The following ZP1 variants were observed in gnomAD, a reference collection of about 807,000 sequenced individuals.
ZP1 encodes zona pellucida glycoprotein 1, also known as zona pellucida sperm-binding protein 1.
In ZP1, 58 loss-of-function variants were observed where a neutral mutation model predicts 67.4. The ratio of observed to expected loss-of-function variants is 0.86; its 90% CI spans 0.70 to 1.07. The LOEUF (loss-of-function observed/expected upper bound fraction) is 1.07. Among genes scored for constraint, ZP1 ranks in the 50% least tolerant of loss-of-function variants. The pLI, the probability that ZP1 is intolerant of heterozygous loss-of-function variation, is 0.00. For synonymous variants in ZP1, 333 were observed against 332.7 expected, an observed-to-expected ratio of 1.00 and a Z score of -0.01; for missense variants, 759 against 807.3, an observed-to-expected ratio of 0.94 and a Z score of 0.72.
rs1031365656 is a variant in ZP1, at chr11:60,871,128, G to A, written c.998G>A (p.Cys333Tyr). The part of the protein sequence containing the change: ...FVVFYFPLTH[C>Y]GTTMQVAGDQ... ...GTCTTCTACTTCCCTCTCACCCACT[G>A]TGGAACCACAATGCAGGTAGGAGCC... is the stretch of plus-strand genomic sequence containing the variant. The change falls in exon 5 of 12, where the codon TGT (cysteine) becomes TAT (tyrosine). Residue 333 changes from cysteine (C) to tyrosine (Y), a missense_variant. Transcript: ENST00000278853. 1.9e-6 allele frequency: 3 copies of A among 1,613,924 alleles called. No homozygotes were observed. Among genetic ancestry groups the A allele is most frequent in the African/African-American group, 2.7e-5 (2 of 74,936 alleles).
rs546734631 is a variant in ZP1 at position 60,872,733 on chromosome 11, T to TA, written c.1113-426dup. ...GACTTGCTTGTGGTCCCAAAGCCTG[T>TA]AAATGCTAAGAAGACTCAAATCCAG... is the stretch of plus-strand genomic sequence containing the variant. On this transcript the variant is annotated intron_variant, in intron 6 of 11. Transcript: ENST00000278853. Among the ~76,000 whole-genome samples the TA allele has an allele frequency of 5.2e-4, 79 of 152,312 alleles. 1 individual carries two copies. The South Asian group carries it at 0.012, about 23-fold the overall frequency.
intron 4 of ZP1, 118 bp from the exon 5 acceptor site, chr11:60,870,839 T>C (rs1280658466): frequency 8.6e-7 from 1 of 1,158,978 alleles, no homozygotes; most frequent in Non-Finnish European, 1.2e-6. Context: ...CCAGCCTAAG[T>C]GGAGAGTAAG....
intron 1 of ZP1, among the ~76,000 whole-genome samples, chr11:60,868,378 A>C (rs957014042): frequency 6.6e-6 from 1 of 152,216 alleles, no homozygotes; most frequent in Non-Finnish European, 1.5e-5. Context: ...CGCTCAGTCA[A>C]AACTGAGGCT....
At chr11:60,873,844 T>G in intron 9 of ZP1, 69 bp downstream of exon 9, 2 of 1,591,176 alleles carry the variant, frequency 1.3e-6, no homozygotes, top group Non-Finnish European at 1.7e-6. Flanking sequence ...GCCAAATCCC[T>G]CTGGCACCCT....
rs199566234 is a variant in ZP1 at position 60,869,589 on chromosome 11, G to A, written c.371G>A (p.Arg124His). 194 of 1,613,836 alleles carry A rather than the reference G, an allele frequency of 1.2e-4. No individual in the cohort carries two copies. Among genetic ancestry groups the A allele is most frequent in the Non-Finnish European group, 1.3e-4 (159 of 1,179,860 alleles). The change falls in exon 3 of 12, where the codon CGT becomes CAT. Residue 124 changes from arginine (R) to histidine (H), a missense_variant. By Grantham distance (29) the Arg-to-His change is conservative. Coordinates refer to ENST00000278853, the MANE Select transcript of ZP1 (RefSeq NM_207341.4). ...VFMEAVLPNG[R>H]VDVAQDATLI... ...ATGGAGGCTGTGCTGCCCAATGGTC[G>A]TGTGGATGTGGCACAAGACGCTACT... is the stretch of plus-strand genomic sequence containing the variant.
intron 2 of ZP1, 85 bp from the exon 3 acceptor site, chr11:60,869,452 C>T (rs981850096): frequency 1.1e-5 from 17 of 1,520,772 alleles, no homozygotes; most frequent in Non-Finnish European, 1.5e-5. Context: ...GCCTAATGGC[C>T]AGCTCAGCTC....
Position 60,870,357 on chromosome 11 carries a change from C to T in ZP1, c.708C>T (p.Cys236=), listed in dbSNP as rs1855542469. 1 of 1,610,924 alleles carries T rather than the reference C, an allele frequency of 6.2e-7. No individual in the cohort carries two copies. ...GTACCCACCTGAGCCAGGAGCAGTG[C>T]CAGGTGGCCTCAGGGCACCTCCCCT... ...YIGTHLSQEQ[C]QVASGHLPCI... Residue 236 remains cysteine, a synonymous_variant, in exon 4 of 12, where the codon TGC becomes TGT. Transcript: ENST00000278853.
At chr11:60,871,196 C>G in intron 5 of ZP1, 21 bp from the exon 6 acceptor site, 1 of 1,614,048 alleles carries the variant, frequency 6.2e-7, no homozygotes. Flanking sequence ...GAAAGCCTCA[C>G]CCAGCTGTCT....
In ZP1 at chr11:60,873,061, C is replaced by A; in HGVS notation, c.1113-101C>A. 4 of 1,336,650 alleles carry A rather than the reference C, an allele frequency of 3.0e-6. No homozygotes were observed. In the South Asian group the frequency reaches 5.7e-5, roughly 19 times the overall value. 82.8% of individuals were successfully genotyped at this position (1,336,650 alleles called of 1,614,324 possible). A position where few individuals can be genotyped will look rare whatever the true frequency, so the allele number is the denominator to read the frequency against. On this transcript the variant is annotated intron_variant, in intron 6 of 11. Coordinates refer to ENST00000278853, the MANE Select transcript of ZP1 (RefSeq NM_207341.4). ...CATCCATCTGCCCTGCTGGACAGTA[C>A]CCTATTTGTTGCACCCACGGAGTTG...
rs767918749 is a variant in ZP1, at chr11:60,871,079, A to C, written c.949A>C (p.Thr317Pro). 6.2e-7 allele frequency: 1 copy of C among 1,614,186 alleles called. No individual in the cohort carries two copies. The highest frequency in any genetic ancestry group is 8.5e-7 in the Non-Finnish European group (1 of 1,180,020). ...CTATGCCCCCACCAGCTGCTCCCCA[A>C]CACAGCACACGGAAGCTTTCGTGGT... is the stretch of plus-strand genomic sequence containing the variant. ...LAYAPTSCSP[T>P]QHTEAFVVFY... is the part of the protein sequence containing the mutation. Residue 317 changes from threonine to proline, a missense_variant, in exon 5 of 12, where the codon ACA becomes CCA. Thr to Pro is a conservative substitution (Grantham distance 38, BLOSUM62 -1). Transcript: ENST00000278853.
chr11:60,873,446 G>A lies in ZP1; in HGVS notation c.1312G>A (p.Val438Met), dbSNP rs369535673. The A allele has an allele frequency of 6.2e-7, 1 of 1,613,482 alleles. No individual in the cohort carries two copies. The highest frequency in any genetic ancestry group is 8.5e-7 in the Non-Finnish European group (1 of 1,179,596). Residue 438 changes from valine to methionine, a missense_variant, in exon 8 of 12, where the codon GTG (valine) becomes ATG (methionine). Val to Met is a conservative substitution (Grantham distance 21). Transcript: ENST00000278853. Reference protein sequence around the residue: ...IVRLLREPVHVEVRLLQRTDP... With the variant: ...IVRLLREPVHMEVRLLQRTDP... ...GAGGCTGCTCCGAGAACCAGTCCAT[G>A]TGGAGGTCCGGCTTCTGCAGAGGAC...
chr11:60,874,097 A>G (rs1855651074), intron 9 of ZP1, among the ~76,000 whole-genome samples: 1 of 152,154 alleles, frequency 6.6e-6, no homozygotes, highest in Non-Finnish European at 1.5e-5. Flanking sequence ...ATTTTCTTTA[A>G]CTCAGCAACT....
rs779163600 is a variant in ZP1, at chr11:60,869,825, C to A, written c.607C>A (p.Pro203Thr). Reference sequence around the variant, plus strand: ...TGCTTTACCATCCCCTGGACCTGGACCTACCCTCGCCACCCTGGCTCAACC... The same window carrying A: ...TGCTTTACCATCCCCTGGACCTGGAACTACCCTCGCCACCCTGGCTCAACC... ...TPALPSPGPG[P>T]TLATLAQPHW... The change falls in exon 3 of 12, where the codon CCT (proline) becomes ACT (threonine). Residue 203 changes from proline to threonine, a missense_variant. Transcript: ENST00000278853. 1 of 1,609,266 alleles carries A rather than the reference C, an allele frequency of 6.2e-7. No homozygotes were observed. The highest frequency in any genetic ancestry group is 8.5e-7 in the Non-Finnish European group (1 of 1,177,384).
rs1855631313 is a variant in ZP1 at position 60,873,554 on chromosome 11, C to G, written c.1420C>G (p.Leu474Val). ...NPFQQPQWPI[L>V]SDGCPFKGDS... ...CTTCCAGCAGCCCCAGTGGCCCATC[C>G]TGTCAGACGGGTGAGTGCCCCCACA... The change falls in exon 8 of 12, where the codon CTG (leucine) becomes GTG (valine). Residue 474 changes from leucine to valine, a missense_variant. Physicochemically the swap from Leu to Val is conservative, Grantham distance 32. Coordinates refer to ENST00000278853, the MANE Select transcript of ZP1 (RefSeq NM_207341.4). 1.9e-6 allele frequency: 3 copies of G among 1,612,766 alleles called. No individual in the cohort carries two copies.
intron 3 of ZP1, 149 bp downstream of exon 3, chr11:60,870,049 T>A: frequency 9.3e-7 from 1 of 1,074,718 alleles, no homozygotes; most frequent in Non-Finnish European, 1.3e-6. Context: ...TCCTTTGTAG[T>A]ATTTGGAAAA....
At chr11:60,868,661 C>G (rs1197601188) in intron 1 of ZP1, among the ~76,000 whole-genome samples, 1 of 152,230 alleles carries the variant, frequency 6.6e-6, no homozygotes, top group African/African-American at 2.4e-5. Flanking sequence ...CTCCAAGCAA[C>G]TGCAGCAGCC....
At position 60,869,784 on chromosome 11, in the gene ZP1, C is replaced by G; in HGVS notation, c.566C>G (p.Ser189Cys). The G allele has an allele frequency of 2.5e-6, 4 of 1,614,066 alleles. No homozygotes were observed. Among genetic ancestry groups the G allele is most frequent in the Non-Finnish European group, 3.4e-6 (4 of 1,179,970 alleles). ...AGCCCACTGGACCCAGGGCACAGCT[C>G]TGTCCACCCAACCCCTGCTTTACCA... ...FPSPLDPGHSSVHPTPALPSP... is the reference protein window; with the variant it reads ...FPSPLDPGHSCVHPTPALPSP... The change falls in exon 3 of 12, where the codon TCT becomes TGT. Residue 189 changes from serine to cysteine, a missense_variant. Ser to Cys is a moderately radical substitution (Grantham distance 112). Coordinates refer to ENST00000278853, the MANE Select transcript of ZP1 (RefSeq NM_207341.4).
chr11:60,874,949 GC>G lies in ZP1; in HGVS notation c.1590del (p.Ser530ArgfsTer41). On this transcript the variant is annotated frameshift_variant, in exon 10 of 12. Coordinates refer to ENST00000278853, the MANE Select transcript of ZP1 (RefSeq NM_207341.4). LOFTEE classifies it high-confidence loss of function. ...TTCCACCAGGTTTACTTGTTCTGCA[GC>G]ACCTCTGCCTGCCACACCTCAGGGC... Reference protein sequence around the residue: ...ALRGLVYLFCSTSACHTSGLE... With the variant: ...ALRGLVYLFCXTSACHTSGLE... The G allele has an allele frequency of 6.2e-7, 1 of 1,614,208 alleles. No homozygotes were observed. Among genetic ancestry groups the G allele is most frequent in the East Asian group, 2.2e-5 (1 of 44,886 alleles).
rs1040588709 is a variant in ZP1 at position 60,875,285 on chromosome 11, CCA to C, written c.1774+39_1774+40del. The C allele has an allele frequency of 3.2e-6, 5 of 1,585,730 alleles. No homozygotes were observed. In the East Asian group the frequency reaches 8.9e-5, roughly 28 times the overall value. On this transcript the variant is annotated intron_variant, in intron 11 of 11. Transcript: ENST00000278853. ...TCTGGGTGGGCCCCTCAGGCCTTAC[CCA>C]CTCTCAGCCCCCAAGATTGTGCTGA...
Sources: gnomAD v4.1 joint callset for allele counts (sites outside exome capture counted in the v4.1 genomes callset) on GRCh38, gnomAD v4.1.1 for gene constraint, MANE v1.5 for transcripts, NCBI Gene and HGNC (gene_info 2026-07-23, HGNC 2026-07-21) for gene names.